The following SPRR2G variants were observed in gnomAD, a reference collection of about 807,000 sequenced individuals.
SPRR2G encodes the protein small proline-rich protein 2G.
SPRR2G carries 1 observed loss-of-function variant against 0.7 expected under a neutral mutation model. That is an observed-to-expected ratio of 1.49 (90% CI 0.53 to 7.06). The LOEUF (loss-of-function observed/expected upper bound fraction) is 7.06. SPRR2G is among the 30% of genes most tolerant of loss of function. The probability of loss-of-function intolerance (pLI) is 0.14; values close to 1 mark genes in which losing one functional copy is unlikely to be tolerated. For synonymous variants in SPRR2G, 38 were observed against 33.9 expected, an observed-to-expected ratio of 1.12 and a Z score of -0.42; for missense variants, 96 against 88.5, an observed-to-expected ratio of 1.09 and a Z score of -0.34.
At chr1:153,173,773 G>T in the SPRR2G span, among the ~76,000 whole-genome samples, 1 of 152,178 alleles carries the variant, frequency 6.6e-6, no homozygotes, top group African/African-American at 2.4e-5. Flanking sequence ...GCTCCAGGGA[G>T]TTCCTTCCAT....
chr1:153,182,513 A>C, the SPRR2G span, among the ~76,000 whole-genome samples: 6 of 151,982 alleles, frequency 3.9e-5, no homozygotes, highest in African/African-American at 1.4e-4. Flanking sequence ...TGCATTAGGT[A>C]TTTGTCCTAA....
the SPRR2G span, among the ~76,000 whole-genome samples, chr1:153,197,420 A>G: frequency 3.9e-5 from 6 of 152,100 alleles, no homozygotes; most frequent in Non-Finnish European, 7.4e-5. Context: ...ACCCTGAGAA[A>G]CAGATCTCCA....
chr1:153,151,763 G>A (rs772146089), upstream of SPRR2G, among the ~76,000 whole-genome samples: 4 of 152,092 alleles, frequency 2.6e-5, no homozygotes, highest in Non-Finnish European at 5.9e-5. Flanking sequence ...AGGATTTCAG[G>A]CTTTCTTTGC....
chr1:153,153,084 A>G (rs1656507064), upstream of SPRR2G, among the ~76,000 whole-genome samples: 1 of 152,170 alleles, frequency 6.6e-6, no homozygotes, highest in African/African-American at 2.4e-5. Flanking sequence ...TAGTATCTAC[A>G]TGAGGGTTTG....
chr1:153,150,898 G>A (rs1181272963), upstream of SPRR2G: 1 of 152,518 alleles, frequency 6.6e-6, no homozygotes, highest in African/African-American at 2.4e-5. Flanking sequence ...GATAGCATCA[G>A]TGTGGTGGAG....
the SPRR2G span, among the ~76,000 whole-genome samples, chr1:153,183,068 C>CTT: frequency 2.9e-5 from 4 of 138,896 alleles, no homozygotes; most frequent in Admixed American, 7.2e-5. Context: ...CTTTTTTTTT[C>CTT]TTTTTTTTTT....
chr1:153,193,032 G>A, the SPRR2G span, among the ~76,000 whole-genome samples: 1 of 152,076 alleles, frequency 6.6e-6, no homozygotes, highest in Non-Finnish European at 1.5e-5. Flanking sequence ...GAGAGATTAG[G>A]TAAACCTTCT....
intron 1 of SPRR2G, 85 bp downstream of exon 1, chr1:153,150,767 G>C (rs1656450314): frequency 6.5e-6 from 1 of 154,984 alleles, no homozygotes; most frequent in African/African-American, 2.4e-5. Flanking sequence ...AGGATAAATT[G>C]GTTAAAATAA....
At chr1:153,185,658 A>C in the SPRR2G span, among the ~76,000 whole-genome samples, 1 of 151,952 alleles carries the variant, frequency 6.6e-6, no homozygotes. Flanking sequence ...TAATCTTTTC[A>C]AAAAACCAGC....
At chr1:153,176,528 A>C in the SPRR2G span, 1 of 152,198 alleles carries the variant, frequency 6.6e-6, no homozygotes, top group African/African-American at 2.4e-5. Flanking sequence ...TCAATTCCTG[A>C]AATCTAACTT....
At chr1:153,168,290 C>T in the SPRR2G span, among the ~76,000 whole-genome samples, 2 of 152,190 alleles carry the variant, frequency 1.3e-5, no homozygotes, top group South Asian at 2.1e-4. Context: ...GGGAATTGGT[C>T]TCTCAAAGTT....
the SPRR2G span, among the ~76,000 whole-genome samples, chr1:153,170,003 T>C: frequency 6.6e-6 from 1 of 152,226 alleles, no homozygotes; most frequent in Non-Finnish European, 1.5e-5. Flanking sequence ...AGTCTTACAG[T>C]TTATATTAAC....
the SPRR2G span, among the ~76,000 whole-genome samples, chr1:153,198,106 A>G: frequency 6.6e-6 from 1 of 152,194 alleles, no homozygotes; most frequent in East Asian, 1.9e-4. Flanking sequence ...ATCATGCCCA[A>G]GGAGAATTTC....
At chr1:153,176,461 T>C in the SPRR2G span, 2 of 152,196 alleles carry the variant, frequency 1.3e-5, no homozygotes, top group Non-Finnish European at 2.9e-5. Flanking sequence ...ACTTTTATCC[T>C]AGATAAAACT....
chr1:153,151,014 T>C (rs1656457095), upstream of SPRR2G: 2 of 152,296 alleles, frequency 1.3e-5, no homozygotes, highest in Non-Finnish European at 2.9e-5. Flanking sequence ...TCCATGCTGG[T>C]ATCACAAAAT....
At chr1:153,181,996 A>G in the SPRR2G span, among the ~76,000 whole-genome samples, 7 of 152,140 alleles carry the variant, frequency 4.6e-5, no homozygotes, top group South Asian at 2.1e-4. Flanking sequence ...AGAAATCTCC[A>G]TACTGTTACC....
At chr1:153,175,514 T>C in the SPRR2G span, among the ~76,000 whole-genome samples, 2 of 152,198 alleles carry the variant, frequency 1.3e-5, no homozygotes, top group Non-Finnish European at 2.9e-5. Context: ...TGCTGCTCTC[T>C]CAGCCAGGAA....
At chr1:153,154,579 A>C (rs1656543343), upstream of SPRR2G, among the ~76,000 whole-genome samples, 1 of 152,034 alleles carries the variant, frequency 6.6e-6, no homozygotes, top group Admixed American at 6.6e-5. Flanking sequence ...ATTCAGTCTC[A>C]GTAGGTTGCA....
the SPRR2G span, among the ~76,000 whole-genome samples, chr1:153,163,089 C>G: frequency 6.6e-6 from 1 of 152,138 alleles, no homozygotes; most frequent in African/African-American, 2.4e-5. Context: ...TAAAAATGCA[C>G]AAGATAAAGA....
Sources: gnomAD v4.1 joint callset for allele counts (sites outside exome capture counted in the v4.1 genomes callset) on GRCh38, gnomAD v4.1.1 for gene constraint, MANE v1.5 for transcripts, NCBI Gene and HGNC (gene_info 2026-07-23, HGNC 2026-07-21) for gene names.